DNAJC13: variants seen among roughly 807,000 people sequenced by gnomAD.
The protein encoded by DNAJC13 is dnaJ homolog subfamily C member 13.
Under a neutral mutation model 290.5 loss-of-function variants are expected in DNAJC13, and 75 were observed. The ratio of observed to expected loss-of-function variants is 0.26; its 90% CI spans 0.21 to 0.31. The LOEUF is 0.31. Ranked by LOEUF, DNAJC13 falls within the 10% of genes least tolerant of loss-of-function variation. DNAJC13 has a pLI of 1.00. For missense variants in DNAJC13, 2,260 were observed against 2,674.5 expected, an observed-to-expected ratio of 0.85 and a Z score of 3.42; for synonymous variants, 862 against 892.0, an observed-to-expected ratio of 0.97 and a Z score of 0.60.
rs145340857 is a variant in DNAJC13 at position 132,421,512 on chromosome 3, C to A, written c.-14+3752C>A. 4.9e-3 allele frequency among the ~76,000 whole-genome samples: 750 copies of A among 152,096 alleles called. 10 individuals carry two copies. Among genetic ancestry groups the A allele is most frequent in the African/African-American group, 0.017 (721 of 41,504 alleles). ...TTGCTCTGTCACCCAGGCTGGAGTG[C>A]AGTGGCACGATCTTGGCTCACTGCA... is the stretch of plus-strand genomic sequence containing the variant. On this transcript the variant is annotated intron_variant, in intron 1 of 55. Coordinates refer to ENST00000260818, the MANE Select transcript of DNAJC13 (RefSeq NM_015268.4).
At chr3:132,533,352 T>TTC (rs1315537559) in intron 55 of DNAJC13, among the ~76,000 whole-genome samples, 1 of 149,892 alleles carries the variant, frequency 6.7e-6, no homozygotes, top group African/African-American at 2.5e-5. Flanking sequence ...TTTTTTTTTT[T>TTC]TGAGACAGAG....
chr3:132,531,097 G>A lies in DNAJC13; in HGVS notation c.6625G>A (p.Gly2209Arg), dbSNP rs1936401728. The part of the protein sequence containing the change: ...SESQTAGYLT[G>R]PGVAGYLTAG... ...GTCACAAACAGCAGGATACCTCACA[G>A]GTAAGCCATACCTAATTGGTTATTG... is the stretch of plus-strand genomic sequence containing the variant. Residue 2209 changes from glycine to arginine, a missense_variant and splice_region_variant, in exon 55 of 56, where the codon GGA (glycine) becomes AGA (arginine). Gly to Arg is a moderately radical substitution (Grantham distance 125). This residue lies in a region of DNAJC13 where 1,494 missense variants were observed against 1,693.7 expected (regional missense o/e 0.88). Coordinates refer to ENST00000260818, the MANE Select transcript of DNAJC13 (RefSeq NM_015268.4). 6.2e-7 allele frequency: 1 copy of A among 1,613,668 alleles called. No individual in the cohort carries two copies. The highest frequency in any genetic ancestry group is 8.5e-7 in the Non-Finnish European group (1 of 1,179,752).
chr3:132,487,664 G>A (rs1313534279), intron 29 of DNAJC13, among the ~76,000 whole-genome samples: 5 of 148,862 alleles, frequency 3.4e-5, no homozygotes, highest in Admixed American at 6.8e-5. Flanking sequence ...ATTAAGCTTC[G>A]TAGATAAAAC....
In DNAJC13 at chr3:132,462,448, T is replaced by C. The variant is rs140436072; in HGVS notation, c.1714-19T>C. 4.4e-4 allele frequency: 704 copies of C among 1,605,578 alleles called. 2 individuals carry two copies. The African/African-American group carries it at 8.5e-3, about 19-fold the overall frequency. On this transcript the variant is annotated intron_variant, in intron 15 of 55. Coordinates refer to ENST00000260818, the MANE Select transcript of DNAJC13 (RefSeq NM_015268.4). ...AATTCTTTTTTATTTTTTGATACTTTTTCCCCCTCACTTTAAAGCATCCTT... is the reference window on the plus strand; with the variant it reads ...AATTCTTTTTTATTTTTTGATACTTCTTCCCCCTCACTTTAAAGCATCCTT...
At chr3:132,425,472 T>A (rs948328133) in intron 1 of DNAJC13, among the ~76,000 whole-genome samples, 2 of 152,206 alleles carry the variant, frequency 1.3e-5, no homozygotes, top group Non-Finnish European at 2.9e-5. Context: ...CATTAACATT[T>A]TACTGTACTT....
At position 132,538,970 on chromosome 3, in the gene DNAJC13, G is replaced by T. The variant is rs929626404; in HGVS notation, c.*688G>T. 6.6e-6 allele frequency: 1 copy of T among 152,566 alleles called. No homozygotes were observed. The highest frequency in any genetic ancestry group is 2.4e-5 in the African/African-American group (1 of 41,418). The allele number at this position is 152,566 out of a possible 1,614,324, so 9.5% of individuals were successfully genotyped here. ...TTCTATATTGAATGTACATTATACA[G>T]ATCATTCATATGTGTACATAAAATT... is the stretch of plus-strand genomic sequence containing the variant. On this transcript the variant is annotated 3_prime_UTR_variant, in exon 56 of 56. Coordinates refer to ENST00000260818, the MANE Select transcript of DNAJC13 (RefSeq NM_015268.4).
chr3:132,492,856 A>G (rs769650808), intron 33 of DNAJC13, among the ~76,000 whole-genome samples: 10 of 151,942 alleles, frequency 6.6e-5, no homozygotes, highest in Non-Finnish European at 1.2e-4. Context: ...GGCAAAGACA[A>G]AACAAATTTC....
At chr3:132,446,239 T>C (rs1262069892) in intron 2 of DNAJC13, among the ~76,000 whole-genome samples, 1 of 152,020 alleles carries the variant, frequency 6.6e-6, no homozygotes, top group East Asian at 1.9e-4. Flanking sequence ...ATATAAATCA[T>C]ACTTTTCTAC....
At position 132,478,117 on chromosome 3, in the gene DNAJC13, T is replaced by TA; in HGVS notation, c.2687dup (p.Tyr896Ter). Reference protein sequence around the residue: ...EEIGPFTDTRYIIGMLERCTD... With the variant: ...EEIGPFTDTR Reference sequence around the variant, plus strand: ...AATAGGACCTTTTACAGATACCAGATATATCATTGGAATGTTAGAGAGGGT... The same window carrying TA: ...AATAGGACCTTTTACAGATACCAGATAATATCATTGGAATGTTAGAGAGGGT... Residue 896 changes from tyrosine (Y) to a stop codon, truncating the protein, a stop_gained and frameshift_variant, in exon 24 of 56, where the codon TAT (tyrosine) becomes TAAT (stop). Transcript: ENST00000260818. LOFTEE classifies it high-confidence loss of function. The TA allele has an allele frequency of 6.2e-7, 1 of 1,611,126 alleles. No homozygotes were observed. Among genetic ancestry groups the TA allele is most frequent in the Non-Finnish European group, 8.5e-7 (1 of 1,179,116 alleles).
At chr3:132,499,669 C>A in intron 37 of DNAJC13, 65 bp from the exon 38 acceptor site, 1 of 1,328,094 alleles carries the variant, frequency 7.5e-7, no homozygotes, top group Non-Finnish European at 1.1e-6. Context: ...TTTATTACTG[C>A]TAGAAAAGGC....
chr3:132,492,930 C>G (rs1414613330), intron 33 of DNAJC13, among the ~76,000 whole-genome samples: 2 of 151,864 alleles, frequency 1.3e-5, no homozygotes, highest in East Asian at 3.9e-4. Flanking sequence ...GGAAGCTTGT[C>G]TTTATAGCAG....
At chr3:132,532,365 C>A (rs2107755905) in intron 55 of DNAJC13, among the ~76,000 whole-genome samples, 1 of 152,088 alleles carries the variant, frequency 6.6e-6, no homozygotes. Flanking sequence ...TTTTCTTCAC[C>A]ATAACCACTT....
intron 4 of DNAJC13, 39 bp from the exon 5 acceptor site, chr3:132,447,859 G>C: frequency 6.4e-7 from 1 of 1,573,054 alleles, no homozygotes; most frequent in African/African-American, 1.4e-5. Flanking sequence ...TTCCTTACCA[G>C]TCTGTTGTCA....
intron 23 of DNAJC13, 31 bp from the exon 24 acceptor site, chr3:132,477,950 T>C: frequency 6.2e-7 from 1 of 1,601,486 alleles, no homozygotes; most frequent in Non-Finnish European, 8.5e-7. Context: ...CATGGCTATT[T>C]CTATTGTGAA....
chr3:132,494,938 C>A, intron 34 of DNAJC13, 150 bp from the exon 35 acceptor site: 1 of 449,778 alleles, frequency 2.2e-6, no homozygotes, highest in Non-Finnish European at 3.8e-6. Flanking sequence ...AAAAAAAAAT[C>A]TTAATTCTTT....
chr3:132,520,760 A>G (rs1440629836), intron 48 of DNAJC13, among the ~76,000 whole-genome samples: 2 of 152,248 alleles, frequency 1.3e-5, no homozygotes, highest in Non-Finnish European at 2.9e-5. Flanking sequence ...GATAAGACTC[A>G]TAAATATAGC....
intron 46 of DNAJC13, among the ~76,000 whole-genome samples, chr3:132,515,657 TTTATAC>T (rs1935898013): frequency 6.6e-6 from 1 of 152,204 alleles, no homozygotes; most frequent in African/African-American, 2.4e-5. Flanking sequence ...AAAGTGTAAC[TTTATAC>T]TTATATAGTC....
chr3:132,522,805 C>A, intron 48 of DNAJC13, 23 bp from the exon 49 acceptor site: 2 of 1,569,812 alleles, frequency 1.3e-6, no homozygotes, highest in South Asian at 1.2e-5. Context: ...GTGTCTTTTT[C>A]ATTCTCAAAC....
At chr3:132,437,542 T>A (rs889824202) in intron 2 of DNAJC13, among the ~76,000 whole-genome samples, 3 of 152,350 alleles carry the variant, frequency 2.0e-5, no homozygotes, top group Non-Finnish European at 4.4e-5. Context: ...GAATATCCAG[T>A]TGTGCCAGCA....
Sources: gnomAD v4.1 joint callset for allele counts (sites outside exome capture counted in the v4.1 genomes callset) on GRCh38, gnomAD v4.1.1 for gene constraint, gnomAD v4.1.1 regional missense constraint, MANE v1.5 for transcripts, NCBI Gene and HGNC (gene_info 2026-07-23, HGNC 2026-07-21) for gene names.